Variants in GABRG3 observed in about 807,000 individuals in gnomAD.
The protein encoded by GABRG3 is gamma-aminobutyric acid receptor subunit gamma-3.
A neutral mutation model predicts 48.8 loss-of-function variants in GABRG3; 25 were observed. That is an observed-to-expected ratio of 0.51 (90% CI 0.37 to 0.72). The LOEUF is 0.72. GABRG3 is among the 30% of genes least tolerant of loss of function. The pLI is 0.00. For missense variants in GABRG3, 394 were observed against 577.9 expected (o/e 0.68, Z 3.26); for synonymous variants, 227 against 217.6 (o/e 1.04, Z -0.38).
intron 3 of GABRG3, among the ~76,000 whole-genome samples, chr15:27,257,385 G>C (rs764985587): frequency 4.6e-5 from 7 of 152,130 alleles, no homozygotes; most frequent in Non-Finnish European, 7.4e-5. Flanking sequence ...GTTGGGTGCA[G>C]TCTCATTTTT....
chr15:27,301,481 A>C (rs1322248787), intron 3 of GABRG3, among the ~76,000 whole-genome samples: 1 of 152,142 alleles, frequency 6.6e-6, no homozygotes, highest in Admixed American at 6.6e-5. Context: ...ATTCAGGAAA[A>C]TAACTGTCAG....
At chr15:27,504,972 A>G (rs1890728587) in intron 6 of GABRG3, among the ~76,000 whole-genome samples, 1 of 152,172 alleles carries the variant, frequency 6.6e-6, no homozygotes, top group Non-Finnish European at 1.5e-5. Flanking sequence ...GGTTATCAAA[A>G]CTAAAAAATT....
chr15:27,097,732 C>T (rs1173630219), intron 3 of GABRG3, among the ~76,000 whole-genome samples: 1 of 151,996 alleles, frequency 6.6e-6, no homozygotes, highest in Admixed American at 6.6e-5. Flanking sequence ...TGGCAGTGAG[C>T]GGGTCAAGGC....
At chr15:27,091,263 T>C (rs1897179979) in intron 3 of GABRG3, among the ~76,000 whole-genome samples, 4 of 152,252 alleles carry the variant, frequency 2.6e-5, no homozygotes, top group African/African-American at 9.6e-5. Context: ...CTTCATTCTG[T>C]TAATGTGATG....
intron 5 of GABRG3, among the ~76,000 whole-genome samples, chr15:27,412,170 A>G (rs931912091): frequency 2.6e-5 from 4 of 152,074 alleles, no homozygotes; most frequent in Admixed American, 1.3e-4. Context: ...AGTCACATGC[A>G]ACCGTAAGAA....
intron 3 of GABRG3, among the ~76,000 whole-genome samples, chr15:27,263,930 AAAAAAAAAGAAAAAG>A (rs1566985246): frequency 2.0e-5 from 2 of 101,958 alleles, no homozygotes; most frequent in African/African-American, 6.8e-5. Flanking sequence ...TGTCAAAAAA[AAAAAAAAAGAAAAAG>A]AAAAAAAAGA....
chr15:27,244,585 A>G (rs1013079456), intron 3 of GABRG3, among the ~76,000 whole-genome samples: 2 of 152,184 alleles, frequency 1.3e-5, no homozygotes, highest in African/African-American at 2.4e-5. Context: ...TTGAATTACA[A>G]TATCATTTGA....
intron 3 of GABRG3, among the ~76,000 whole-genome samples, chr15:27,325,638 C>T (rs1029203230): frequency 6.6e-6 from 1 of 152,166 alleles, no homozygotes; most frequent in Admixed American, 6.5e-5. Context: ...CCCATCTTCC[C>T]TGGATAGAAT....
chr15:27,211,073 G>A (rs751735972), intron 3 of GABRG3, among the ~76,000 whole-genome samples: 4 of 152,156 alleles, frequency 2.6e-5, no homozygotes, highest in Non-Finnish European at 5.9e-5. Context: ...GGAGCTAGAG[G>A]TAGAAAAAGA....
chr15:27,506,701 T>G (rs1288045254), intron 6 of GABRG3, among the ~76,000 whole-genome samples: 3 of 152,240 alleles, frequency 2.0e-5, no homozygotes, highest in East Asian at 1.9e-4. Flanking sequence ...AGTGTTTTCT[T>G]AAAACACTAC....
intron 3 of GABRG3, among the ~76,000 whole-genome samples, chr15:27,144,575 C>G (rs773624884): frequency 6.6e-6 from 1 of 152,122 alleles, no homozygotes; most frequent in Admixed American, 6.5e-5. Context: ...CCAAAAAATT[C>G]AAAGGAAAAG....
At chr15:27,010,831 G>A (rs1267287125) in intron 2 of GABRG3, among the ~76,000 whole-genome samples, 2 of 152,086 alleles carry the variant, frequency 1.3e-5, no homozygotes, top group Non-Finnish European at 2.9e-5. Context: ...TACTGAGGTT[G>A]TTTTTGTTTG....
intron 3 of GABRG3, among the ~76,000 whole-genome samples, chr15:27,293,143 G>T (rs1274460267): frequency 6.6e-6 from 1 of 152,166 alleles, no homozygotes; most frequent in Non-Finnish European, 1.5e-5. Flanking sequence ...TGTTTGTTGT[G>T]AAATTCAGAG....
At chr15:27,178,637 C>T (rs1374760637) in intron 3 of GABRG3, among the ~76,000 whole-genome samples, 2 of 152,084 alleles carry the variant, frequency 1.3e-5, no homozygotes, top group Non-Finnish European at 2.9e-5. Flanking sequence ...GGGAGATTGT[C>T]TGTTTTTATA....
chr15:27,445,568 A>C (rs541698086), intron 5 of GABRG3, among the ~76,000 whole-genome samples: 1 of 152,342 alleles, frequency 6.6e-6, no homozygotes, highest in African/African-American at 2.4e-5. Context: ...GGTTTAAAAT[A>C]TGTCCTATAT....
At chr15:27,036,976 T>C (rs1006696594) in intron 3 of GABRG3, among the ~76,000 whole-genome samples, 3 of 152,126 alleles carry the variant, frequency 2.0e-5, no homozygotes, top group Non-Finnish European at 4.4e-5. Context: ...GATGTCCTTA[T>C]GAAGAAGGGA....
chr15:27,088,937 G>C (rs1425217878), intron 3 of GABRG3, among the ~76,000 whole-genome samples: 1 of 152,164 alleles, frequency 6.6e-6, no homozygotes, highest in Non-Finnish European at 1.5e-5. Flanking sequence ...GGAAGGAGGG[G>C]AATGGGGCTG....
At chr15:27,406,543 C>T (rs1353028905) in intron 5 of GABRG3, among the ~76,000 whole-genome samples, 2 of 152,102 alleles carry the variant, frequency 1.3e-5, no homozygotes, top group Admixed American at 1.3e-4. Context: ...TGTTTAGCCA[C>T]AAGAAAACAT....
At chr15:27,270,549 G>A (rs905537387) in intron 3 of GABRG3, among the ~76,000 whole-genome samples, 1 of 152,200 alleles carries the variant, frequency 6.6e-6, no homozygotes, top group African/African-American at 2.4e-5. Flanking sequence ...TGATTTCACA[G>A]AAGTTGAGAG....
Sources: allele counts gnomAD v4.1 joint callset (sites outside exome capture counted in the v4.1 genomes callset), GRCh38; gene constraint gnomAD v4.1.1; transcripts MANE v1.5; gene names NCBI Gene and HGNC (gene_info 2026-07-23, HGNC 2026-07-21).